KRT25: variants seen among roughly 807,000 people sequenced by gnomAD.
KRT25 encodes keratin 25.
KRT25 carries 37 observed loss-of-function variants against 47.6 expected under a neutral mutation model. That is an observed-to-expected ratio of 0.78 (90% CI 0.60 to 1.02). The LOEUF is 1.02. Among genes scored for constraint, KRT25 ranks in the 50% least tolerant of loss-of-function variants. KRT25 has a pLI of 0.00. For synonymous variants in KRT25, 203 were observed against 210.2 expected (o/e 0.97, Z 0.30); for missense variants, 542 against 550.3 (o/e 0.98, Z 0.15).
At position 40,751,262 on chromosome 17, in the gene KRT25, C is replaced by G. The variant is rs2038044706; in HGVS notation, c.734G>C (p.Gly245Ala). 1.2e-6 allele frequency: 2 copies of G among 1,614,182 alleles called. No homozygotes were observed. Among genetic ancestry groups the G allele is most frequent in the Non-Finnish European group, 1.7e-6 (2 of 1,180,018 alleles). Residue 245 changes from glycine (G) to alanine (A), a missense_variant, in exon 4 of 8, where the codon GGG (glycine) becomes GCG (alanine). Coordinates refer to ENST00000312150, the MANE Select transcript of KRT25 (RefSeq NM_181534.4). ...NVNVEMNAAP[G>A]VDLTVLLNNM... ...GTTCAGCAGAACTGTGAGGTCCACC[C>G]CGGGGGCTGCGTTCATCTCCACGTT...
rs544449182 is a variant in KRT25, at chr17:40,750,902, T to G, written c.957+52A>C. ...AAGGTTTTTAAAACCAGCTGGCAAG[T>G]ATCTAACATGATGACCTGGGAGATG... On this transcript the variant is annotated intron_variant, in intron 5 of 7. Coordinates refer to ENST00000312150, the MANE Select transcript of KRT25 (RefSeq NM_181534.4). The G allele has an allele frequency of 5.6e-6, 9 of 1,596,818 alleles. No individual in the cohort carries two copies. The Admixed American group carries it at 1.5e-4, about 27-fold the overall frequency.
intron 3 of KRT25, among the ~76,000 whole-genome samples, chr17:40,751,858 ATGTG>A (rs1017788910): frequency 4.8e-4 from 39 of 81,466 alleles, no homozygotes; most frequent in African/African-American, 8.2e-4. Flanking sequence ...AAATAAATGT[ATGTG>A]TGTGTGTGTG....
intron 3 of KRT25, among the ~76,000 whole-genome samples, chr17:40,752,744 G>A (rs1032992699): frequency 6.6e-6 from 1 of 152,020 alleles, no homozygotes; most frequent in Admixed American, 6.6e-5. Flanking sequence ...TTGAATCCAC[G>A]TAGTCAAATC....
At chr17:40,753,836 A>C (rs773205178) in intron 3 of KRT25, 24 bp downstream of exon 3, 1 of 1,611,166 alleles carries the variant, frequency 6.2e-7, no homozygotes, top group Non-Finnish European at 8.5e-7. Flanking sequence ...GAGGGATAGC[A>C]AAATGTAGAC....
chr17:40,753,955 C>T lies in KRT25; in HGVS notation c.574G>A (p.Val192Ile), dbSNP rs138077625. 45 of 1,613,884 alleles carry T rather than the reference C, an allele frequency of 2.8e-5. No homozygotes were observed. In the African/African-American group the frequency reaches 5.1e-4, roughly 18 times the overall value. ...CTGCACAGGGTTATTTCATCCAAAA[C>T]TCTTCGTAACCCATTGACATCAGCC... is the stretch of plus-strand genomic sequence containing the variant. ...VEADVNGLRR[V>I]LDEITLCRTD... The change falls in exon 3 of 8, where the codon GTT becomes ATT. Residue 192 changes from valine (V) to isoleucine (I), a missense_variant. Coordinates refer to ENST00000312150, the MANE Select transcript of KRT25 (RefSeq NM_181534.4).
chr17:40,754,051 A>G lies in KRT25; in HGVS notation c.513-35T>C, dbSNP rs758865621. 7.5e-6 allele frequency: 12 copies of G among 1,601,388 alleles called. No homozygotes were observed. In the Admixed American group the frequency reaches 1.2e-4, roughly 16 times the overall value. ...TGTTAATGATTTCCTAATTTGTCACATGGTTGGAGACATAGTCACTAGTCA... is the reference window on the plus strand; with the variant it reads ...TGTTAATGATTTCCTAATTTGTCACGTGGTTGGAGACATAGTCACTAGTCA... On this transcript the variant is annotated intron_variant, in intron 2 of 7. Coordinates refer to ENST00000312150, the MANE Select transcript of KRT25 (RefSeq NM_181534.4).
At chr17:40,754,761 G>C in intron 1 of KRT25, 82 bp downstream of exon 1, 1 of 818,472 alleles carries the variant, frequency 1.2e-6, no homozygotes, top group South Asian at 1.9e-5. Context: ...AATGATAAAT[G>C]TTTTTAGAAT....
rs1258173050 is a variant in KRT25, at chr17:40,755,323, GTGCCTTCT to G, written c.-60_-53del. ...CTGTATTTGTGAAAGCCAGAATGGA[GTGCCTTCT>G]TGTCTAAAAGGTTTGGTTTGCCTTT... On this transcript the variant is annotated 5_prime_UTR_variant, in exon 1 of 8. Coordinates refer to ENST00000312150, the MANE Select transcript of KRT25 (RefSeq NM_181534.4). 1 of 1,532,376 alleles carries G rather than the reference GTGCCTTCT, an allele frequency of 6.5e-7. No homozygotes were observed. The highest frequency in any genetic ancestry group is 8.8e-7 in the Non-Finnish European group (1 of 1,132,800). 94.9% of individuals were successfully genotyped at this position (1,532,376 alleles called of 1,614,324 possible).
chr17:40,754,714 T>C (rs2038088766), intron 1 of KRT25, 129 bp downstream of exon 1: 1 of 830,032 alleles, frequency 1.2e-6, no homozygotes, highest in South Asian at 2.1e-5. Flanking sequence ...GCAAAACTCC[T>C]TCTCAAAAAA....
intron 3 of KRT25, among the ~76,000 whole-genome samples, chr17:40,751,894 G>GCA (rs1403527727): frequency 8.4e-5 from 12 of 143,040 alleles, no homozygotes; most frequent in Admixed American, 4.2e-4. Flanking sequence ...GTGTGTGTGT[G>GCA]TGTGTGTGTG....
In KRT25 at chr17:40,755,075, C is replaced by G. The variant is rs35076248; in HGVS notation, c.197G>C (p.Gly66Ala). 212,084 of 1,613,976 alleles carry G rather than the reference C, an allele frequency of 0.13. 15,917 individuals carry two copies. The highest frequency in any genetic ancestry group is 0.31 in the Admixed American group (18,807 of 60,018). The change falls in exon 1 of 8, where the codon GGC becomes GCC. Residue 66 changes from glycine (G) to alanine (A), a missense_variant. Physicochemically the swap from Gly to Ala is moderately conservative, Grantham distance 60 (BLOSUM62 0). Transcript: ENST00000312150. Reference protein sequence around the residue: ...GNTGGGNPCAGFTVNERGLLS... With the variant: ...GNTGGGNPCAAFTVNERGLLS... ...GAGCCCCCGCTCATTCACAGTGAAG[C>G]CAGCACAGGGATTACCTCCCCCTGT...
chr17:40,754,068 C>T, intron 2 of KRT25, 52 bp from the exon 3 acceptor site: 1 of 1,535,180 alleles, frequency 6.5e-7, no homozygotes, highest in Non-Finnish European at 9.0e-7. Context: ...GAGACATAGT[C>T]ACTAGTCACT....
intron 6 of KRT25, among the ~76,000 whole-genome samples, chr17:40,750,039 G>C (rs1376181421): frequency 1.3e-5 from 2 of 152,126 alleles, no homozygotes; most frequent in Non-Finnish European, 2.9e-5. Context: ...GACTTTATCA[G>C]TGCTATGAAG....
intron 2 of KRT25, 79 bp from the exon 3 acceptor site, chr17:40,754,095 T>A: frequency 3.6e-6 from 5 of 1,385,544 alleles, no homozygotes; most frequent in Non-Finnish European, 5.1e-6. Flanking sequence ...TGACAAATGC[T>A]AGCATTCTGG....
At chr17:40,755,445 T>G (rs2038098537), upstream of KRT25, 4 of 610,852 alleles carry the variant, frequency 6.5e-6, 1 homozygote, top group South Asian at 9.1e-5. Flanking sequence ...TTGGCATAAT[T>G]GGGTGATTTT....
chr17:40,753,331 GT>G (rs1162332948), intron 3 of KRT25, among the ~76,000 whole-genome samples: 54 of 146,192 alleles, frequency 3.7e-4, no homozygotes, highest in East Asian at 1.2e-3. Context: ...AACATGATTC[GT>G]TTTTTTTTTT....
chr17:40,753,493 G>A (rs1222482679), intron 3 of KRT25, among the ~76,000 whole-genome samples: 2 of 151,172 alleles, frequency 1.3e-5, no homozygotes, highest in Admixed American at 6.6e-5. Flanking sequence ...TCAGGAGATC[G>A]AGACCATCCT....
chr17:40,750,284 G>T, intron 6 of KRT25, 96 bp downstream of exon 6: 1 of 1,218,682 alleles, frequency 8.2e-7, no homozygotes, highest in Non-Finnish European at 1.2e-6. Context: ...ATAAATGCAT[G>T]CAGCCAAATT....
At chr17:40,752,983 T>A (rs950640826) in intron 3 of KRT25, among the ~76,000 whole-genome samples, 3 of 152,230 alleles carry the variant, frequency 2.0e-5, no homozygotes, top group African/African-American at 7.2e-5. Flanking sequence ...GAACTTAGCT[T>A]CCAACAGTGA....
Sources: allele counts gnomAD v4.1 joint callset (sites outside exome capture counted in the v4.1 genomes callset), GRCh38; gene constraint gnomAD v4.1.1; transcripts MANE v1.5; gene names NCBI Gene and HGNC (gene_info 2026-07-23, HGNC 2026-07-21).